Variants in PPARGC1A observed in about 807,000 individuals in gnomAD.
PPARGC1A encodes PPARG coactivator 1 alpha, also known as peroxisome proliferator-activated receptor gamma coactivator 1-alpha.
A neutral mutation model predicts 88.7 loss-of-function variants in PPARGC1A; 25 were observed. The observed-to-expected ratio is 0.28, with a 90% confidence interval of 0.21 to 0.39. PPARGC1A has a LOEUF of 0.39. Ranked by LOEUF, PPARGC1A falls within the 10% of genes least tolerant of loss-of-function variation. The probability of loss-of-function intolerance (pLI) is 1.00; values close to 1 mark genes in which losing one functional copy is unlikely to be tolerated. For synonymous variants in PPARGC1A, 363 were observed against 355.6 expected (o/e 1.02, Z -0.24); for missense variants, 880 against 968.7 (o/e 0.91, Z 1.22).
the PPARGC1A span, among the ~76,000 whole-genome samples, chr4:23,979,116 C>A: frequency 4.6e-5 from 7 of 152,250 alleles, no homozygotes; most frequent in South Asian, 8.3e-4. Flanking sequence ...TCGTTTAACT[C>A]AATAATGTAG....
At chr4:24,318,065 T>C in the PPARGC1A span, among the ~76,000 whole-genome samples, 5 of 152,154 alleles carry the variant, frequency 3.3e-5, no homozygotes, top group Admixed American at 2.6e-4. Flanking sequence ...GTTCTCCACA[T>C]GGGAAGCTAA....
the PPARGC1A span, among the ~76,000 whole-genome samples, chr4:24,424,258 CTTTTTTTTTTTTTTTTT>C: frequency 5.6e-4 from 25 of 44,348 alleles, no homozygotes; most frequent in South Asian, 0.017. Context: ...TATACACACA[CTTTTTTTTTTTTTTTTT>C]TTTTTTTTTT....
chr4:23,803,376 G>A (rs1422778021), intron 10 of PPARGC1A, among the ~76,000 whole-genome samples: 4 of 152,092 alleles, frequency 2.6e-5, no homozygotes, highest in Non-Finnish European at 5.9e-5. Flanking sequence ...AATAAAAGAG[G>A]CTATAAATTT....
At chr4:23,895,974 G>A (rs1718538604) in intron 1 of PPARGC1A, among the ~76,000 whole-genome samples, 1 of 77,302 alleles carries the variant, frequency 1.3e-5, no homozygotes, top group African/African-American at 5.1e-5. Context: ...GTGTGTGTGT[G>A]TGTGTGTATA....
the PPARGC1A span, among the ~76,000 whole-genome samples, chr4:24,296,761 T>G: frequency 1.3e-5 from 2 of 152,186 alleles, no homozygotes; most frequent in Admixed American, 6.5e-5. Context: ...CTCTAACTGA[T>G]TTAGTCTGCA....
At chr4:24,152,260 A>C in the PPARGC1A span, among the ~76,000 whole-genome samples, 1 of 152,174 alleles carries the variant, frequency 6.6e-6, no homozygotes, top group South Asian at 2.1e-4. Context: ...AAAAAGGAGG[A>C]GCTTTCAGGG....
the PPARGC1A span, among the ~76,000 whole-genome samples, chr4:24,364,585 GA>G: frequency 3.4e-4 from 52 of 151,744 alleles, no homozygotes; most frequent in Non-Finnish European, 6.3e-4. Flanking sequence ...AGAATAATAA[GA>G]AAAAAAGAAA....
chr4:24,153,025 T>C, the PPARGC1A span, among the ~76,000 whole-genome samples: 2 of 152,202 alleles, frequency 1.3e-5, no homozygotes, highest in Non-Finnish European at 2.9e-5. Context: ...TCTTCCCTGC[T>C]GTGGACAGGA....
In PPARGC1A at chr4:23,881,653, G is replaced by A. The variant is rs145766148; in HGVS notation, c.234+3099C>T. The A allele has an allele frequency of 1.7e-4, 26 of 152,254 alleles. 1 individual carries two copies. In the East Asian group the frequency reaches 2.9e-3, roughly 17 times the overall value. 9.4% of individuals were successfully genotyped at this position (152,254 alleles called of 1,614,324 possible). ...GCCAGTTTCCAGTGGTGTCATTGAC[G>A]TGCTACTTGAGTCAGGGAAAAGCAT... On this transcript the variant is annotated intron_variant, in intron 2 of 12. Transcript: ENST00000264867.
Position 23,798,661 on chromosome 4 carries a change from C to T in PPARGC1A, c.2294-2736G>A, listed in dbSNP as rs375532314. Reference sequence around the variant, plus strand: ...AACTATTACATTCATAATACTGACCCATCTTTCTGTTTGGATCCTGTAGTC... The same window carrying T: ...AACTATTACATTCATAATACTGACCTATCTTTCTGTTTGGATCCTGTAGTC... On this transcript the variant is annotated intron_variant, in intron 12 of 12. Coordinates refer to ENST00000264867, the MANE Select transcript of PPARGC1A (RefSeq NM_013261.5). 3.9e-5 allele frequency among the ~76,000 whole-genome samples: 6 copies of T among 152,146 alleles called. No individual in the cohort carries two copies. In the South Asian group the frequency reaches 1.2e-3, roughly 32 times the overall value.
At chr4:24,303,480 C>T in the PPARGC1A span, among the ~76,000 whole-genome samples, 2 of 152,120 alleles carry the variant, frequency 1.3e-5, no homozygotes. Context: ...AGAAATAGAA[C>T]AATCTCAGAT....
At chr4:23,871,180 A>C (rs1379284760) in intron 2 of PPARGC1A, among the ~76,000 whole-genome samples, 1 of 152,222 alleles carries the variant, frequency 6.6e-6, no homozygotes, top group Non-Finnish European at 1.5e-5. Context: ...CTTTGTGAAC[A>C]GAATGTCTTT....
the PPARGC1A span, among the ~76,000 whole-genome samples, chr4:23,975,105 GCTAA>G: frequency 1.3e-5 from 2 of 151,994 alleles, no homozygotes; most frequent in Admixed American, 6.6e-5. Flanking sequence ...TTTATTATTA[GCTAA>G]CTATTTAATT....
the PPARGC1A span, among the ~76,000 whole-genome samples, chr4:24,223,687 C>T: frequency 6.6e-6 from 1 of 152,202 alleles, no homozygotes; most frequent in Admixed American, 6.5e-5. Context: ...TCAGTGGCAT[C>T]TTATGATCAA....
the PPARGC1A span, among the ~76,000 whole-genome samples, chr4:24,110,955 G>A: frequency 6.6e-6 from 1 of 152,112 alleles, no homozygotes. Flanking sequence ...ATTCTGGTAG[G>A]TCATTCTACA....
chr4:24,204,129 G>A, the PPARGC1A span, among the ~76,000 whole-genome samples: 1 of 152,248 alleles, frequency 6.6e-6, no homozygotes, highest in South Asian at 2.1e-4. Flanking sequence ...TGACCAACAA[G>A]TACTTAATGA....
chr4:24,130,719 A>C, the PPARGC1A span, among the ~76,000 whole-genome samples: 2 of 152,148 alleles, frequency 1.3e-5, no homozygotes, highest in East Asian at 3.9e-4. Context: ...CTGCCAAATG[A>C]GGAAGTAGAA....
At chr4:24,408,468 T>C in the PPARGC1A span, among the ~76,000 whole-genome samples, 2 of 152,232 alleles carry the variant, frequency 1.3e-5, no homozygotes, top group African/African-American at 4.8e-5. Context: ...GCTTCTCCCA[T>C]TGAGGGGCAA....
the PPARGC1A span, among the ~76,000 whole-genome samples, chr4:24,257,452 A>G: frequency 6.6e-6 from 1 of 152,206 alleles, no homozygotes; most frequent in Admixed American, 6.5e-5. Context: ...AATCTATGGT[A>G]GCACAAACTA....
Sources: allele counts gnomAD v4.1 joint callset (sites outside exome capture counted in the v4.1 genomes callset), GRCh38; gene constraint gnomAD v4.1.1; transcripts MANE v1.5; gene names NCBI Gene and HGNC (gene_info 2026-07-23, HGNC 2026-07-21).